Variants in CNTNAP2 observed in about 807,000 individuals in gnomAD.
The protein encoded by CNTNAP2 is contactin-associated protein-like 2.
A neutral mutation model predicts 155.2 loss-of-function variants in CNTNAP2; 98 were observed. That is an observed-to-expected ratio of 0.63 (90% confidence interval 0.54 to 0.75). The LOEUF (loss-of-function observed/expected upper bound fraction) is 0.75, where lower values mean the gene tolerates loss of function less well. Among genes scored for constraint, CNTNAP2 ranks in the 30% least tolerant of loss-of-function variants. The pLI is 0.00. For missense variants in CNTNAP2, 1,727 were observed against 1,688.1 expected (o/e 1.02, Z -0.40); for synonymous variants, 651 against 631.2 (o/e 1.03, Z -0.47).
chr7:146,250,192 G>C (rs551896160), intron 1 of CNTNAP2, among the ~76,000 whole-genome samples: 1 of 152,280 alleles, frequency 6.6e-6, no homozygotes, highest in East Asian at 1.9e-4. Flanking sequence ...TTAAAAGAGA[G>C]ATGATAATAG....
intron 18 of CNTNAP2, among the ~76,000 whole-genome samples, chr7:148,200,616 T>G (rs1795354327): frequency 1.3e-5 from 2 of 152,174 alleles, no homozygotes; most frequent in Non-Finnish European, 1.5e-5. Flanking sequence ...AGACTCCTCT[T>G]ACATAGGAAT....
At chr7:148,369,191 T>G (rs1798841751) in intron 21 of CNTNAP2, among the ~76,000 whole-genome samples, 5 of 122,802 alleles carry the variant, frequency 4.1e-5, no homozygotes, top group African/African-American at 1.6e-4. Context: ...CTTTTTTTTT[T>G]TTTTTTTTTT....
intron 2 of CNTNAP2, among the ~76,000 whole-genome samples, chr7:146,775,592 G>T (rs970538583): frequency 1.3e-4 from 20 of 150,204 alleles, no homozygotes; most frequent in African/African-American, 4.9e-4. Flanking sequence ...GGGAGGGAGA[G>T]AGGAAGGAAG....
chr7:147,255,826 T>TTCAAGGG (rs1804311680), intron 8 of CNTNAP2, among the ~76,000 whole-genome samples: 1 of 152,134 alleles, frequency 6.6e-6, no homozygotes, highest in African/African-American at 2.4e-5. Context: ...CAACCTCTGC[T>TTCAAGGG]TTCTGGGTTC....
At chr7:147,737,144 C>T (rs890581574) in intron 13 of CNTNAP2, among the ~76,000 whole-genome samples, 1 of 152,102 alleles carries the variant, frequency 6.6e-6, no homozygotes, top group African/African-American at 2.4e-5. Flanking sequence ...TTTTCCCCAT[C>T]TTTGTGGTTT....
intron 9 of CNTNAP2, among the ~76,000 whole-genome samples, chr7:147,394,062 C>T (rs1796768225): frequency 6.6e-6 from 1 of 151,950 alleles, no homozygotes; most frequent in Non-Finnish European, 1.5e-5. Context: ...ATTGTAGTTC[C>T]CATAATCCCT....
chr7:147,856,225 T>C (rs1799036419), intron 13 of CNTNAP2, among the ~76,000 whole-genome samples: 1 of 152,146 alleles, frequency 6.6e-6, no homozygotes, highest in Admixed American at 6.6e-5. Context: ...CATTTTGGAA[T>C]CACCTTTCTA....
Position 146,151,702 on chromosome 7 carries a change from A to ATG in CNTNAP2, c.97+34730_97+34731insGT, listed in dbSNP as rs1337068197. ...TATATGTATATATATATATATGTAT[A>ATG]TATATATATATGTATATATATATAT... On this transcript the variant is annotated intron_variant, in intron 1 of 23. Transcript: ENST00000361727. 6.9e-4 allele frequency among the ~76,000 whole-genome samples: 37 copies of ATG among 53,594 alleles called. 1 individual carries two copies. The highest frequency in any genetic ancestry group is 4.0e-3 in the African/African-American group (35 of 8,714). The allele number at this position is 53,594 out of a possible 152,430, so 35.2% of individuals were successfully genotyped here. A position where few individuals can be genotyped will look rare whatever the true frequency, so the allele number is the denominator to read the frequency against.
chr7:148,197,196 C>G (rs147334071), intron 18 of CNTNAP2, among the ~76,000 whole-genome samples: 1 of 152,162 alleles, frequency 6.6e-6, no homozygotes, highest in African/African-American at 2.4e-5. Context: ...AAATGTGTGT[C>G]CCTGACGAAA....
intron 8 of CNTNAP2, among the ~76,000 whole-genome samples, chr7:147,205,886 G>T (rs755059648): frequency 8.5e-5 from 13 of 152,066 alleles, no homozygotes; most frequent in Non-Finnish European, 1.5e-4. Flanking sequence ...GTACCTAAAA[G>T]AGTGGAACTG....
intron 1 of CNTNAP2, among the ~76,000 whole-genome samples, chr7:146,482,380 ATG>A (rs1347905138): frequency 6.8e-6 from 1 of 146,218 alleles, no homozygotes; most frequent in African/African-American, 2.7e-5. Context: ...AGGGATATAT[ATG>A]TATGTGTGTG....
At chr7:147,318,603 G>A (rs897524226) in intron 9 of CNTNAP2, among the ~76,000 whole-genome samples, 2 of 152,016 alleles carry the variant, frequency 1.3e-5, no homozygotes, top group East Asian at 3.9e-4. Flanking sequence ...TCATAAGTGG[G>A]AGTTGAACAA....
At chr7:146,826,916 C>A (rs1803416109) in intron 2 of CNTNAP2, among the ~76,000 whole-genome samples, 1 of 148,048 alleles carries the variant, frequency 6.8e-6, no homozygotes, top group Admixed American at 6.7e-5. Flanking sequence ...TAAATTAAGC[C>A]AAGAATAAAA....
chr7:147,397,105 G>A (rs1796829887), intron 10 of CNTNAP2, among the ~76,000 whole-genome samples: 1 of 151,940 alleles, frequency 6.6e-6, no homozygotes, highest in Non-Finnish European at 1.5e-5. Flanking sequence ...CTTCTATAAA[G>A]CCTTCACATG....
chr7:148,298,819 C>T (rs987474338), intron 21 of CNTNAP2, among the ~76,000 whole-genome samples: 1 of 152,054 alleles, frequency 6.6e-6, no homozygotes, highest in Non-Finnish European at 1.5e-5. Context: ...CCACCTCAGC[C>T]TCCCAAGTAA....
chr7:148,254,775 C>CAAA (rs55711921), intron 20 of CNTNAP2, among the ~76,000 whole-genome samples: 6 of 120,346 alleles, frequency 5.0e-5, no homozygotes, highest in Admixed American at 8.5e-5. Flanking sequence ...GACTCCATCT[C>CAAA]AAAAAAAAAA....
chr7:147,050,417 A>C (rs1442580456), intron 4 of CNTNAP2, among the ~76,000 whole-genome samples: 1 of 152,258 alleles, frequency 6.6e-6, no homozygotes, highest in Non-Finnish European at 1.5e-5. Context: ...ACCAAGGTAC[A>C]CACATCGAAA....
At chr7:146,688,401 C>T (rs1800639790) in intron 1 of CNTNAP2, among the ~76,000 whole-genome samples, 1 of 152,060 alleles carries the variant, frequency 6.6e-6, no homozygotes, top group Non-Finnish European at 1.5e-5. Flanking sequence ...TTTTTAATCA[C>T]CTGGGTGCAG....
chr7:147,816,609 A>G (rs1298222313), intron 13 of CNTNAP2, among the ~76,000 whole-genome samples: 1 of 152,156 alleles, frequency 6.6e-6, no homozygotes, highest in Non-Finnish European at 1.5e-5. Context: ...TTCTCTGGAA[A>G]TTATTAAGGC....
Sources: allele counts gnomAD v4.1 joint callset (sites outside exome capture counted in the v4.1 genomes callset), GRCh38; gene constraint gnomAD v4.1.1; transcripts MANE v1.5; gene names NCBI Gene and HGNC (gene_info 2026-07-23, HGNC 2026-07-21).